SUGCT: variants seen among roughly 807,000 people sequenced by gnomAD.
The protein encoded by SUGCT is succinyl-CoA:glutarate CoA-transferase.
Under a neutral mutation model 55.0 loss-of-function variants are expected in SUGCT, and 41 were observed. That is an observed-to-expected ratio of 0.74 (90% confidence interval 0.58 to 0.97). The LOEUF (loss-of-function observed/expected upper bound fraction) is 0.97, where lower values mean the gene tolerates loss of function less well. SUGCT is among the 50% of genes least tolerant of loss of function. SUGCT has a pLI of 0.00. For synonymous variants in SUGCT, 187 were observed against 200.4 expected, an observed-to-expected ratio of 0.93 and a Z score of 0.56; for missense variants, 568 against 547.8, an observed-to-expected ratio of 1.04 and a Z score of -0.37.
At chr7:40,672,522 A>G (rs759213867) in intron 12 of SUGCT, among the ~76,000 whole-genome samples, 1 of 152,200 alleles carries the variant, frequency 6.6e-6, no homozygotes, top group Non-Finnish European at 1.5e-5. Flanking sequence ...AATTATAGAA[A>G]TGGAAACTAG....
At chr7:40,254,486 C>T (rs962755111) in intron 7 of SUGCT, among the ~76,000 whole-genome samples, 11 of 151,084 alleles carry the variant, frequency 7.3e-5, no homozygotes, top group Non-Finnish European at 1.3e-4. Flanking sequence ...CAACCTCTGC[C>T]GCCTGGATTC....
At chr7:41,029,668 T>TC in the SUGCT span, among the ~76,000 whole-genome samples, 1 of 152,172 alleles carries the variant, frequency 6.6e-6, no homozygotes, top group African/African-American at 2.4e-5. Context: ...CCATATACCT[T>TC]CCCCGTCCTC....
chr7:40,969,500 A>G, the SUGCT span, among the ~76,000 whole-genome samples: 627 of 152,242 alleles, frequency 4.1e-3, 2 homozygotes, highest in African/African-American at 0.013. Flanking sequence ...AGCTAGGACC[A>G]TACCATGCCT....
the SUGCT span, among the ~76,000 whole-genome samples, chr7:41,028,345 A>T: frequency 6.6e-6 from 1 of 152,252 alleles, no homozygotes; most frequent in Non-Finnish European, 1.5e-5. Context: ...TCTGTCTAAC[A>T]CTAAATAATC....
chr7:40,245,419 A>ATGTT (rs71560183), intron 7 of SUGCT, among the ~76,000 whole-genome samples: 1 of 24,976 alleles, frequency 4.0e-5, no homozygotes, highest in Admixed American at 6.8e-4. Flanking sequence ...ATATATATAT[A>ATGTT]TATATTTTTT....
intron 12 of SUGCT, among the ~76,000 whole-genome samples, chr7:40,679,806 C>G (rs1449243313): frequency 2.0e-5 from 3 of 152,146 alleles, no homozygotes; most frequent in Admixed American, 1.3e-4. Context: ...TTTTCCAGAT[C>G]TCATTTGCTA....
chr7:40,822,041 C>G (rs1016830141), intron 13 of SUGCT, among the ~76,000 whole-genome samples: 12 of 152,180 alleles, frequency 7.9e-5, no homozygotes. Context: ...CATTCAGGAG[C>G]AGATTGTTCA....
chr7:40,780,888 G>C (rs529702085), intron 13 of SUGCT, among the ~76,000 whole-genome samples: 2 of 151,434 alleles, frequency 1.3e-5, no homozygotes, highest in Non-Finnish European at 2.9e-5. Context: ...AGTTCATTAA[G>C]GCATAAAGAA....
chr7:40,295,920 G>A (rs568975858), intron 8 of SUGCT, among the ~76,000 whole-genome samples: 1 of 152,282 alleles, frequency 6.6e-6, no homozygotes, highest in South Asian at 2.1e-4. Context: ...GCTGCTGATG[G>A]CAGAACTAGT....
At chr7:40,187,708 A>G (rs2056775) in intron 3 of SUGCT, among the ~76,000 whole-genome samples, 87,626 of 152,054 alleles carry the variant, frequency 0.58, 27,219 homozygotes, top group African/African-American at 0.82. Context: ...GGTCACTTGA[A>G]GTCAGGATTG....
chr7:40,956,014 G>T, the SUGCT span, among the ~76,000 whole-genome samples: 1 of 152,158 alleles, frequency 6.6e-6, no homozygotes, highest in African/African-American at 2.4e-5. Context: ...TTAATGTGCT[G>T]CTGGATTCGG....
chr7:40,212,036 A>G (rs1440838226), intron 6 of SUGCT, among the ~76,000 whole-genome samples: 1 of 151,946 alleles, frequency 6.6e-6, no homozygotes, highest in Admixed American at 6.6e-5. Flanking sequence ...TGGATACCAA[A>G]TACTCTAGAT....
At chr7:40,169,731 A>C (rs1784583443) in intron 1 of SUGCT, among the ~76,000 whole-genome samples, 1 of 151,982 alleles carries the variant, frequency 6.6e-6, no homozygotes, top group African/African-American at 2.4e-5. Context: ...GCCACAACTA[A>C]GTGGTGGCCT....
chr7:41,036,128 T>A, the SUGCT span, among the ~76,000 whole-genome samples: 541 of 152,300 alleles, frequency 3.6e-3, 4 homozygotes, highest in African/African-American at 0.012. Context: ...AGGCTTATTA[T>A]AGAGGCTCAA....
chr7:40,391,900 A>G (rs1223411525), intron 9 of SUGCT, among the ~76,000 whole-genome samples: 1 of 152,190 alleles, frequency 6.6e-6, no homozygotes. Flanking sequence ...TCCATCAATG[A>G]TAGACTGGAT....
intron 9 of SUGCT, among the ~76,000 whole-genome samples, chr7:40,387,575 T>C (rs999451660): frequency 3.3e-5 from 5 of 152,202 alleles, no homozygotes; most frequent in Non-Finnish European, 5.9e-5. Context: ...GGTTTATTTT[T>C]CTTGCTGAAC....
At chr7:41,013,762 T>C in the SUGCT span, among the ~76,000 whole-genome samples, 17 of 152,034 alleles carry the variant, frequency 1.1e-4, no homozygotes, top group African/African-American at 4.1e-4. Context: ...TTTCTTTTTT[T>C]TTTTTAAAGA....
intron 13 of SUGCT, among the ~76,000 whole-genome samples, chr7:40,760,950 G>A (rs1488654322): frequency 2.0e-5 from 3 of 152,218 alleles, no homozygotes; most frequent in African/African-American, 7.2e-5. Context: ...TAATAAACTC[G>A]TAGCTTCATC....
rs577402386 is a variant in SUGCT at position 40,597,572 on chromosome 7, G to A, written c.1089+101186G>A. On this transcript the variant is annotated intron_variant, in intron 12 of 13. Coordinates refer to ENST00000335693, the MANE Select transcript of SUGCT (RefSeq NM_001193313.2). ...CTTTCTGGCTTTCTTATAGAGGGGTGGGATGAAGACTAGATCTGGCCATGG... is the reference window on the plus strand; with the variant it reads ...CTTTCTGGCTTTCTTATAGAGGGGTAGGATGAAGACTAGATCTGGCCATGG... Among the ~76,000 whole-genome samples, 6 of 152,190 alleles carry A rather than the reference G, an allele frequency of 3.9e-5. No homozygotes were observed. In the East Asian group the frequency reaches 1.2e-3, roughly 30 times the overall value.
Sources: gnomAD v4.1 joint callset for allele counts (sites outside exome capture counted in the v4.1 genomes callset) on GRCh38, gnomAD v4.1.1 for gene constraint, MANE v1.5 for transcripts, NCBI Gene and HGNC (gene_info 2026-07-23, HGNC 2026-07-21) for gene names.